SHISA9: variants seen among roughly 807,000 people sequenced by gnomAD.
SHISA9 encodes the protein protein shisa-9.
SHISA9 carries 13 observed loss-of-function variants against 38.0 expected under a neutral mutation model. That is an observed-to-expected ratio of 0.34 (90% CI 0.22 to 0.54). The LOEUF (loss-of-function observed/expected upper bound fraction) is 0.54, where lower values mean the gene tolerates loss of function less well. Ranked by LOEUF, SHISA9 falls within the 20% of genes least tolerant of loss-of-function variation. The probability of loss-of-function intolerance (pLI) is 0.91; values close to 1 mark genes in which losing one functional copy is unlikely to be tolerated. For missense variants in SHISA9, 538 were observed against 575.8 expected, an observed-to-expected ratio of 0.93 and a Z score of 0.67; for synonymous variants, 275 against 242.0, an observed-to-expected ratio of 1.14 and a Z score of -1.27.
chr16:12,976,510 A>T (rs2072163807), intron 2 of SHISA9, among the ~76,000 whole-genome samples: 1 of 152,158 alleles, frequency 6.6e-6, no homozygotes, highest in Non-Finnish European at 1.5e-5. Flanking sequence ...CTTTCTGACT[A>T]ATTCCTATTC....
intron 1 of SHISA9, chr16:12,908,713 A>C (rs2141710628): frequency 6.8e-7 from 1 of 1,470,392 alleles, no homozygotes; most frequent in East Asian, 2.5e-5. Flanking sequence ...CCAGTTCAAG[A>C]AGCTACCGTA....
the SHISA9 span, among the ~76,000 whole-genome samples, chr16:13,376,507 A>G: frequency 5.0e-4 from 76 of 152,296 alleles, no homozygotes; most frequent in African/African-American, 1.7e-3. Flanking sequence ...TTTTACCTCT[A>G]TAACCAGAGC....
chr16:13,546,022 A>G, the SHISA9 span, among the ~76,000 whole-genome samples: 1 of 152,138 alleles, frequency 6.6e-6, no homozygotes, highest in Non-Finnish European at 1.5e-5. Context: ...TGTGGATGGC[A>G]CCTGAATTAA....
At chr16:13,250,284 G>C in the SHISA9 span, among the ~76,000 whole-genome samples, 34 of 152,264 alleles carry the variant, frequency 2.2e-4, 1 homozygote, top group South Asian at 3.7e-3. Context: ...TTAAAGCTTA[G>C]GGGTGGAGGA....
chr16:13,476,784 T>A, the SHISA9 span, among the ~76,000 whole-genome samples: 8 of 137,218 alleles, frequency 5.8e-5, no homozygotes, highest in East Asian at 1.8e-3. Context: ...AGTCTCGCTC[T>A]GTCGCCCAGG....
chr16:13,491,183 C>T, the SHISA9 span, among the ~76,000 whole-genome samples: 1 of 152,138 alleles, frequency 6.6e-6, no homozygotes, highest in Non-Finnish European at 1.5e-5. Flanking sequence ...GAACTCTGCT[C>T]TCTTTGTTCT....
the SHISA9 span, among the ~76,000 whole-genome samples, chr16:13,495,232 T>C: frequency 6.6e-6 from 1 of 152,204 alleles, no homozygotes; most frequent in East Asian, 1.9e-4. Flanking sequence ...CATGTAAAAA[T>C]TGGTGAAAAC....
the SHISA9 span, among the ~76,000 whole-genome samples, chr16:13,510,749 T>A: frequency 6.6e-6 from 1 of 152,198 alleles, no homozygotes; most frequent in East Asian, 1.9e-4. Context: ...AAATGACGCT[T>A]TATTCTGTGT....
the SHISA9 span, among the ~76,000 whole-genome samples, chr16:13,538,409 A>G: frequency 6.6e-6 from 1 of 152,228 alleles, no homozygotes; most frequent in South Asian, 2.1e-4. Flanking sequence ...AAACACTTGA[A>G]GTAGACAATC....
the SHISA9 span, among the ~76,000 whole-genome samples, chr16:13,524,476 T>C: frequency 6.6e-6 from 1 of 152,232 alleles, no homozygotes; most frequent in Non-Finnish European, 1.5e-5. Flanking sequence ...ATAGCTCCAC[T>C]GGCTGAACCA....
chr16:13,203,960 C>T (rs555727971), intron 3 of SHISA9, among the ~76,000 whole-genome samples: 1 of 151,996 alleles, frequency 6.6e-6, no homozygotes, highest in East Asian at 1.9e-4. Context: ...ATCTGTCTGT[C>T]TATCATCTAT....
the SHISA9 span, among the ~76,000 whole-genome samples, chr16:13,326,025 A>C: frequency 1.3e-5 from 2 of 151,438 alleles, no homozygotes; most frequent in Non-Finnish European, 2.9e-5. Context: ...TATGTAACAA[A>C]CCTGCACGTT....
intron 2 of SHISA9, among the ~76,000 whole-genome samples, chr16:13,143,553 C>T (rs183692566): frequency 3.9e-5 from 6 of 152,278 alleles, no homozygotes; most frequent in East Asian, 3.9e-4. Flanking sequence ...CTACCGTGCT[C>T]CCCAGCCTTA....
the SHISA9 span, among the ~76,000 whole-genome samples, chr16:13,452,887 A>G: frequency 6.6e-6 from 1 of 151,380 alleles, no homozygotes; most frequent in African/African-American, 2.4e-5. Context: ...TTGGCTCAAG[A>G]ATCCCTCACA....
intron 2 of SHISA9, among the ~76,000 whole-genome samples, chr16:13,044,305 G>C (rs1431986462): frequency 6.6e-6 from 1 of 152,210 alleles, no homozygotes; most frequent in Non-Finnish European, 1.5e-5. Context: ...TTCCTCTGTG[G>C]TAGGAAGGAC....
chr16:13,420,274 G>A, the SHISA9 span, among the ~76,000 whole-genome samples: 1,075 of 51,310 alleles, frequency 0.021, 44 homozygotes, highest in African/African-American at 0.06. Context: ...AAAAAAAAAA[G>A]GTTTTTTGCT....
At chr16:13,190,324 T>C (rs1019163976) in intron 2 of SHISA9, among the ~76,000 whole-genome samples, 1 of 150,726 alleles carries the variant, frequency 6.6e-6, no homozygotes, top group Non-Finnish European at 1.5e-5. Context: ...AGTGAGAATA[T>C]GCAAAACACC....
At chr16:13,116,304 C>G (rs1165878560) in intron 2 of SHISA9, among the ~76,000 whole-genome samples, 1 of 152,102 alleles carries the variant, frequency 6.6e-6, no homozygotes, top group African/African-American at 2.4e-5. Context: ...GTCAGTGCCC[C>G]AGGTTCTCAT....
the SHISA9 span, among the ~76,000 whole-genome samples, chr16:13,374,885 G>A: frequency 6.6e-6 from 1 of 152,208 alleles, no homozygotes; most frequent in African/African-American, 2.4e-5. Flanking sequence ...GTATCTCATT[G>A]TGGTTTTGAG....
Sources: allele counts gnomAD v4.1 joint callset (sites outside exome capture counted in the v4.1 genomes callset), GRCh38; gene constraint gnomAD v4.1.1; transcripts MANE v1.5; gene names NCBI Gene and HGNC (gene_info 2026-07-23, HGNC 2026-07-21).